NFIB: variants seen among roughly 807,000 people sequenced by gnomAD.
NFIB encodes the protein nuclear factor I B.
In NFIB, 11 loss-of-function variants were observed where a neutral mutation model predicts 61.5. That is an observed-to-expected ratio of 0.18 (90% CI 0.11 to 0.30). The LOEUF is 0.30. Ranked by LOEUF, NFIB falls within the 10% of genes least tolerant of loss-of-function variation. The pLI is 1.00. For missense variants in NFIB, 471 were observed against 608.9 expected, an observed-to-expected ratio of 0.77 and a Z score of 2.38; for synonymous variants, 260 against 216.5, an observed-to-expected ratio of 1.20 and a Z score of -1.76.
At chr9:14,394,116 C>T (rs1588417737) in intron 1 of NFIB, among the ~76,000 whole-genome samples, 2 of 152,216 alleles carry the variant, frequency 1.3e-5, no homozygotes, top group East Asian at 3.9e-4. Flanking sequence ...ATGCAAAACA[C>T]TGCAGATGCA....
chr9:14,168,222 C>T (rs561155076), intron 3 of NFIB, among the ~76,000 whole-genome samples: 3 of 152,122 alleles, frequency 2.0e-5, no homozygotes, highest in Admixed American at 6.5e-5. Flanking sequence ...TAAGCCTCTG[C>T]TTCATAAATC....
the NFIB span, among the ~76,000 whole-genome samples, chr9:14,499,633 A>T: frequency 2.6e-5 from 4 of 152,300 alleles, no homozygotes; most frequent in South Asian, 8.3e-4. Context: ...TTGGATATGG[A>T]AAATAATGCT....
At chr9:14,528,465 A>C in the NFIB span, among the ~76,000 whole-genome samples, 1 of 152,312 alleles carries the variant, frequency 6.6e-6, no homozygotes, top group East Asian at 1.9e-4. Context: ...GATCTAGCCT[A>C]GTGTTTGTGC....
At chr9:14,186,947 G>A (rs920944685) in intron 2 of NFIB, among the ~76,000 whole-genome samples, 1 of 151,518 alleles carries the variant, frequency 6.6e-6, no homozygotes, top group Non-Finnish European at 1.5e-5. Flanking sequence ...CCTCTCATAA[G>A]CATGTAAATG....
chr9:14,177,215 G>T (rs1179161226), intron 3 of NFIB, among the ~76,000 whole-genome samples: 1 of 151,992 alleles, frequency 6.6e-6, no homozygotes, highest in Non-Finnish European at 1.5e-5. Flanking sequence ...TTTGGCCAAG[G>T]CAAGAATACA....
intron 10 of NFIB, among the ~76,000 whole-genome samples, chr9:14,098,058 C>A (rs1456709707): frequency 1.3e-5 from 2 of 152,028 alleles, no homozygotes; most frequent in Non-Finnish European, 2.9e-5. Context: ...CAGAAAGGAA[C>A]TGCTAACACA....
At chr9:14,107,548 TA>T (rs1351773761) in intron 10 of NFIB, among the ~76,000 whole-genome samples, 5 of 152,262 alleles carry the variant, frequency 3.3e-5, no homozygotes, top group African/African-American at 9.6e-5. Context: ...TAGAGGCTAC[TA>T]CAACTTGTAA....
intron 1 of NFIB, among the ~76,000 whole-genome samples, chr9:14,383,672 C>T (rs1165375716): frequency 6.6e-6 from 1 of 152,178 alleles, no homozygotes; most frequent in Non-Finnish European, 1.5e-5. Flanking sequence ...AAGCATCATG[C>T]CCGACCATAA....
chr9:14,460,242 A>G, the NFIB span, among the ~76,000 whole-genome samples: 2 of 152,150 alleles, frequency 1.3e-5, no homozygotes, highest in Non-Finnish European at 2.9e-5. Flanking sequence ...GCTGGAAACC[A>G]TGATTCTCAG....
At chr9:14,215,129 A>ATT (rs1563909523) in intron 2 of NFIB, among the ~76,000 whole-genome samples, 37 of 151,252 alleles carry the variant, frequency 2.4e-4, no homozygotes, top group African/African-American at 7.9e-4. Flanking sequence ...TGTCAAGCTC[A>ATT]ACAATTGGGT....
At chr9:14,288,914 T>C (rs964694934) in intron 2 of NFIB, among the ~76,000 whole-genome samples, 1 of 151,998 alleles carries the variant, frequency 6.6e-6, no homozygotes, top group Non-Finnish European at 1.5e-5. Flanking sequence ...AAATGTTCTA[T>C]ATTTTCCTTG....
chr9:14,163,615 G>C (rs111335987), intron 3 of NFIB, among the ~76,000 whole-genome samples: 3 of 151,778 alleles, frequency 2.0e-5, no homozygotes, highest in African/African-American at 7.2e-5. Flanking sequence ...AAAATATTAT[G>C]AATACAATCT....
chr9:14,476,192 G>A, the NFIB span, among the ~76,000 whole-genome samples: 4 of 149,678 alleles, frequency 2.7e-5, no homozygotes, highest in African/African-American at 9.8e-5. Context: ...TTTTCTGATT[G>A]ATTTGCAAAT....
chr9:14,249,559 T>C (rs2055339400), intron 2 of NFIB, among the ~76,000 whole-genome samples: 1 of 152,188 alleles, frequency 6.6e-6, no homozygotes, highest in South Asian at 2.1e-4. Flanking sequence ...TTTTCTCCCA[T>C]TATCTTATAA....
intron 2 of NFIB, among the ~76,000 whole-genome samples, chr9:14,237,841 C>CTCTG (rs1563932702): frequency 3.8e-5 from 1 of 26,000 alleles, no homozygotes; most frequent in Admixed American, 4.1e-4. Context: ...CTAGGTATAA[C>CTCTG]AGTGTGTGTG....
At chr9:14,218,889 T>C (rs1182384911) in intron 2 of NFIB, among the ~76,000 whole-genome samples, 1 of 152,222 alleles carries the variant, frequency 6.6e-6, no homozygotes, top group Non-Finnish European at 1.5e-5. Context: ...TAAGTACCTA[T>C]TTGTTTACCT....
intron 2 of NFIB, among the ~76,000 whole-genome samples, chr9:14,272,935 C>G (rs1190894467): frequency 6.6e-6 from 1 of 151,952 alleles, no homozygotes; most frequent in Non-Finnish European, 1.5e-5. Flanking sequence ...AGATATAAAT[C>G]CAGAGTAAAC....
At chr9:14,501,886 T>C in the NFIB span, among the ~76,000 whole-genome samples, 1 of 152,162 alleles carries the variant, frequency 6.6e-6, no homozygotes, top group Non-Finnish European at 1.5e-5. Flanking sequence ...GAGGGAAAAG[T>C]AGATGGAAGA....
intron 1 of NFIB, among the ~76,000 whole-genome samples, chr9:14,353,915 G>C (rs930211231): frequency 6.8e-6 from 1 of 147,504 alleles, no homozygotes; most frequent in African/African-American, 2.5e-5. Context: ...TTTAGAAGTA[G>C]CCTGGTGCAG....
Sources: allele counts gnomAD v4.1 joint callset (sites outside exome capture counted in the v4.1 genomes callset), GRCh38; gene constraint gnomAD v4.1.1; transcripts MANE v1.5; gene names NCBI Gene and HGNC (gene_info 2026-07-23, HGNC 2026-07-21).